RUNX1T1: variants seen among roughly 807,000 people sequenced by gnomAD.
RUNX1T1 encodes RUNX1 partner transcriptional co-repressor 1.
RUNX1T1 carries 4 observed loss-of-function variants against 62.8 expected under a neutral mutation model. That is an observed-to-expected ratio of 0.06 (90% CI 0.03 to 0.15). The LOEUF (loss-of-function observed/expected upper bound fraction) is 0.15. Ranked by LOEUF, RUNX1T1 falls within the 10% of genes least tolerant of loss-of-function variation. The pLI is 1.00. For missense variants in RUNX1T1, 508 were observed against 754.3 expected, an observed-to-expected ratio of 0.67 and a Z score of 3.82; for synonymous variants, 291 against 286.0, an observed-to-expected ratio of 1.02 and a Z score of -0.18.
intron 3 of RUNX1T1, among the ~76,000 whole-genome samples, chr8:92,011,584 G>A (rs980299519): frequency 1.3e-5 from 2 of 152,148 alleles, no homozygotes; most frequent in Non-Finnish European, 1.5e-5. Context: ...TTCTTTGTCT[G>A]CCAAAGCATC....
intron 1 of RUNX1T1, among the ~76,000 whole-genome samples, chr8:92,060,343 C>A (rs917709943): frequency 6.6e-6 from 1 of 151,218 alleles, no homozygotes; most frequent in Non-Finnish European, 1.5e-5. Context: ...AGTTCTAGAA[C>A]CCCTTAAACT....
intron 10 of RUNX1T1, among the ~76,000 whole-genome samples, chr8:91,965,427 G>C (rs1811373094): frequency 6.6e-6 from 1 of 152,148 alleles, no homozygotes; most frequent in Admixed American, 6.6e-5. Flanking sequence ...CAGTGAGGGA[G>C]GGAGGGATGC....
At chr8:92,058,177 G>A (rs1216772213) in intron 1 of RUNX1T1, among the ~76,000 whole-genome samples, 4 of 152,030 alleles carry the variant, frequency 2.6e-5, no homozygotes, top group African/African-American at 9.7e-5. Context: ...ACTTTTGGAG[G>A]GCATGGAGGG....
At chr8:92,042,067 C>A (rs1023971598) in intron 1 of RUNX1T1, among the ~76,000 whole-genome samples, 12 of 151,892 alleles carry the variant, frequency 7.9e-5, no homozygotes, top group Non-Finnish European at 1.5e-5. Flanking sequence ...AAGAGGTCCA[C>A]CTGCCTCAGC....
chr8:92,092,936 T>C (rs1837265756), intron 1 of RUNX1T1, among the ~76,000 whole-genome samples: 1 of 152,226 alleles, frequency 6.6e-6, no homozygotes, highest in Non-Finnish European at 1.5e-5. Flanking sequence ...TTATAGGTTG[T>C]TATTTTTAGT....
chr8:91,976,449 T>C (rs1422609022), intron 8 of RUNX1T1, among the ~76,000 whole-genome samples: 2 of 152,032 alleles, frequency 1.3e-5, no homozygotes, highest in Non-Finnish European at 1.5e-5. Context: ...TAACCAGTTC[T>C]CATACTTAAT....
chr8:91,981,828 A>G (rs1387652994), intron 8 of RUNX1T1, among the ~76,000 whole-genome samples: 3 of 152,156 alleles, frequency 2.0e-5, no homozygotes, highest in Non-Finnish European at 2.9e-5. Flanking sequence ...GAGTGAAGGT[A>G]TTTTTCTAAA....
intron 1 of RUNX1T1, among the ~76,000 whole-genome samples, chr8:92,035,636 C>T (rs1827279162): frequency 6.6e-6 from 1 of 152,048 alleles, no homozygotes; most frequent in African/African-American, 2.4e-5. Context: ...GAATACTTTG[C>T]ATAATACAAC....
At chr8:92,075,917 C>A in intron 2 of RUNX1T1, 48 bp downstream of exon 2, 1 of 1,490,960 alleles carries the variant, frequency 6.7e-7, no homozygotes, top group Non-Finnish European at 9.1e-7. Flanking sequence ...ATTGATTTTT[C>A]TGGTACGTAA....
At chr8:92,016,704 AG>A (rs1170357241) in intron 2 of RUNX1T1, among the ~76,000 whole-genome samples, 1 of 152,162 alleles carries the variant, frequency 6.6e-6, no homozygotes, top group Non-Finnish European at 1.5e-5. Context: ...AGGGCAAGAA[AG>A]GCACTTCTCA....
upstream of RUNX1T1, among the ~76,000 whole-genome samples, chr8:92,063,847 T>C (rs186139558): frequency 2.0e-3 from 297 of 152,304 alleles, 1 homozygote; most frequent in Non-Finnish European, 3.2e-3. Flanking sequence ...AGGCTTTACC[T>C]TTCCATCGTA....
At chr8:92,103,034 C>A, upstream of RUNX1T1, 1 of 738,252 alleles carries the variant, frequency 1.4e-6, no homozygotes, top group South Asian at 4.3e-5. Flanking sequence ...ACCGCGGAGT[C>A]GCGCCGCGGA....
intron 1 of RUNX1T1, among the ~76,000 whole-genome samples, chr8:92,096,224 G>T (rs573584901): frequency 1.5e-3 from 226 of 152,302 alleles, no homozygotes; most frequent in Non-Finnish European, 2.4e-3. Context: ...GACTCTTAGA[G>T]ACCTGCTCCA....
chr8:91,976,152 C>T (rs1337219752), intron 8 of RUNX1T1, 179 bp from the exon 10 acceptor site: 4 of 551,652 alleles, frequency 7.3e-6, no homozygotes, highest in Non-Finnish European at 1.3e-5. Flanking sequence ...GGCCTGTCAT[C>T]AGAGCCCAAG....
intron 1 of RUNX1T1, among the ~76,000 whole-genome samples, chr8:92,060,549 A>ATGTGTGTGTG (rs1457607602): frequency 2.9e-4 from 31 of 107,032 alleles, no homozygotes; most frequent in South Asian, 1.1e-3. Context: ...ATATATATAT[A>ATGTGTGTGTG]TATATGTGTG....
At chr8:91,986,765 T>G (rs1303665350) in intron 7 of RUNX1T1, 122 bp downstream of exon 8, 1 of 695,490 alleles carries the variant, frequency 1.4e-6, no homozygotes, top group Non-Finnish European at 2.6e-6. Flanking sequence ...CTCATTTTTT[T>G]TTCAAGGATA....
At chr8:92,028,091 G>A (rs1478220674) in intron 1 of RUNX1T1, among the ~76,000 whole-genome samples, 1 of 73,850 alleles carries the variant, frequency 1.4e-5, no homozygotes, top group Non-Finnish European at 2.4e-5. Context: ...GGGGGGGTGG[G>A]AAGGAAGGAG....
At chr8:92,097,372 T>A (rs1837830664) in intron 1 of RUNX1T1, among the ~76,000 whole-genome samples, 1 of 152,192 alleles carries the variant, frequency 6.6e-6, no homozygotes, top group South Asian at 2.1e-4. Flanking sequence ...TTCTAGCGTA[T>A]CACTTTAGCT....
intron 1 of RUNX1T1, among the ~76,000 whole-genome samples, chr8:92,018,489 C>A (rs911306150): frequency 6.6e-6 from 1 of 152,026 alleles, no homozygotes; most frequent in Non-Finnish European, 1.5e-5. Context: ...ACACACACAC[C>A]CAACGTATTT....
Sources: allele counts gnomAD v4.1 joint callset (sites outside exome capture counted in the v4.1 genomes callset), GRCh38; gene constraint gnomAD v4.1.1; transcripts MANE v1.5; gene names NCBI Gene and HGNC (gene_info 2026-07-23, HGNC 2026-07-21).